Variants in PDXDC1 observed in about 807,000 individuals in gnomAD.
PDXDC1 encodes the protein pyridoxal dependent decarboxylase domain containing 1, also known as pyridoxal-dependent decarboxylase domain-containing protein 1.
A neutral mutation model predicts 100.1 loss-of-function variants in PDXDC1; 42 were observed. The observed-to-expected ratio is 0.42, with a 90% CI of 0.33 to 0.54. PDXDC1 has a LOEUF of 0.54. Ranked by LOEUF, PDXDC1 falls within the 20% of genes least tolerant of loss-of-function variation. The probability of loss-of-function intolerance (pLI) is 0.10; values close to 1 mark genes in which losing one functional copy is unlikely to be tolerated. For synonymous variants in PDXDC1, 260 were observed against 371.7 expected (o/e 0.70, Z 3.46); for missense variants, 636 against 979.2 (o/e 0.65, Z 4.68).
rs2043181128 is a variant in PDXDC1, at chr16:15,033,328, GACA to G, written c.1744_1746del (p.Asn582del). 6.2e-7 allele frequency: 1 copy of G among 1,614,166 alleles called. No individual in the cohort carries two copies. Among genetic ancestry groups the G allele is most frequent in the African/African-American group, 1.3e-5 (1 of 75,050 alleles). ...CTGCCTTTATGTCGGCATGGCGAGC[GACA>G]ACGTCGATGCTGCTGAGCTCGTGGA... On this transcript the variant is annotated inframe_deletion, in exon 19 of 23. Transcript: ENST00000396410.
intron 14 of PDXDC1, among the ~76,000 whole-genome samples, chr16:15,027,507 G>T (rs548183587): frequency 1.9e-3 from 290 of 152,298 alleles, no homozygotes; most frequent in Non-Finnish European, 3.1e-3. Context: ...TCTTGTCTTG[G>T]TGTACCGGAA....
chr16:15,139,759 C>CGACA (rs758950915), downstream of PDXDC1, among the ~76,000 whole-genome samples: 38 of 151,470 alleles, frequency 2.5e-4, 1 homozygote, highest in South Asian at 6.3e-4. Flanking sequence ...CCAGCCTGGG[C>CGACA]GACAGAGCAA....
chr16:15,063,372 C>T, intron 16 of PDXDC1: 1 of 971,844 alleles, frequency 1.0e-6, no homozygotes. Flanking sequence ...AGATCTATTA[C>T]CCAAAACCAA....
chr16:15,109,622 A>G (rs2046949949), intron 16 of PDXDC1, among the ~76,000 whole-genome samples: 1 of 117,984 alleles, frequency 8.5e-6, no homozygotes, highest in South Asian at 3.1e-4. Context: ...ATGCCACTGC[A>G]CTCTAGCCTG....
At chr16:15,061,308 T>A (rs183165661) in intron 16 of PDXDC1, 1 of 163,274 alleles carries the variant, frequency 6.1e-6, no homozygotes, top group East Asian at 1.8e-4. Flanking sequence ...TAAATAGAAG[T>A]TTTATCTTAG....
chr16:15,141,266 C>G (rs2048470800), downstream of PDXDC1, among the ~76,000 whole-genome samples: 2 of 152,226 alleles, frequency 1.3e-5, no homozygotes, highest in African/African-American at 2.4e-5. Context: ...GGCCCGGGGC[C>G]AGGGCAAGGG....
intron 16 of PDXDC1, among the ~76,000 whole-genome samples, chr16:15,065,708 T>TA (rs773371363): frequency 6.6e-6 from 1 of 152,230 alleles, no homozygotes; most frequent in East Asian, 1.9e-4. Context: ...GCAAAACTCT[T>TA]AGATTACGTA....
At chr16:15,053,568 A>G (rs1239519728) in intron 16 of PDXDC1, among the ~76,000 whole-genome samples, 1 of 151,986 alleles carries the variant, frequency 6.6e-6, no homozygotes, top group Admixed American at 6.5e-5. Flanking sequence ...TTTTTTCTGT[A>G]TTATTATATT....
chr16:14,996,448 A>G (rs1161319645), intron 1 of PDXDC1: 7 of 224,160 alleles, frequency 3.1e-5, no homozygotes, highest in Non-Finnish European at 5.2e-5. Context: ...AATATAATAT[A>G]TAATATATAA....
At chr16:15,133,201 T>C in intron 16 of PDXDC1, 1 of 1,111,562 alleles carries the variant, frequency 9.0e-7, no homozygotes, top group South Asian at 1.3e-5. Context: ...CAGGCAGGGG[T>C]ACAGGTCTTG....
At chr16:15,102,045 G>A (rs1335611226) in intron 16 of PDXDC1, among the ~76,000 whole-genome samples, 16 of 152,014 alleles carry the variant, frequency 1.1e-4, no homozygotes, top group South Asian at 2.1e-4. Flanking sequence ...ACAGGGTTTC[G>A]CCATGTTGGT....
intron 1 of PDXDC1, among the ~76,000 whole-genome samples, chr16:14,976,235 G>A (rs1486005791): frequency 3.3e-5 from 5 of 152,274 alleles, no homozygotes; most frequent in African/African-American, 1.2e-4. Context: ...GTGCATACCC[G>A]GTTTTTCATG....
At chr16:14,981,534 T>G (rs1207775034) in intron 1 of PDXDC1, among the ~76,000 whole-genome samples, 1 of 152,292 alleles carries the variant, frequency 6.6e-6, no homozygotes, top group African/African-American at 2.4e-5. Context: ...AGGTAAACAG[T>G]AAAGTTTTTA....
Position 15,133,263 on chromosome 16 carries a change from C to A in PDXDC1, c.1400-5616C>A, listed in dbSNP as rs762557740. 2,587 of 1,571,174 alleles carry A rather than the reference C, an allele frequency of 1.6e-3. 44 individuals carry two copies. Among genetic ancestry groups the A allele is most frequent in the Middle Eastern group, 5.0e-3 (22 of 4,384 alleles). ...GAGGTCCCCTGCCAGGCTGCACTCACCTCGTTCAGGACGGTGACCAGGGCC... is the reference window on the plus strand; with the variant it reads ...GAGGTCCCCTGCCAGGCTGCACTCAACTCGTTCAGGACGGTGACCAGGGCC... On this transcript the variant is annotated intron_variant, in intron 16 of 16. Transcript: ENST00000535621.
At chr16:15,094,283 T>C (rs1345021598) in intron 16 of PDXDC1, 65 of 1,418,626 alleles carry the variant, frequency 4.6e-5, no homozygotes, top group Non-Finnish European at 5.8e-5. Context: ...GCCCAGCTCC[T>C]TCCAGCCACA....
chr16:15,001,017 C>G (rs1171616033), intron 3 of PDXDC1, among the ~76,000 whole-genome samples: 1 of 151,794 alleles, frequency 6.6e-6, no homozygotes, highest in East Asian at 1.9e-4. Context: ...TATTCTCTGT[C>G]TTGTACTCCA....
intron 12 of PDXDC1, among the ~76,000 whole-genome samples, chr16:15,019,637 C>T (rs1186584509): frequency 3.3e-5 from 5 of 152,266 alleles, no homozygotes; most frequent in African/African-American, 1.2e-4. Flanking sequence ...TTGCATGTGG[C>T]CTCACATGGC....
rs530616442 is a variant in PDXDC1 at position 15,125,481 on chromosome 16, C to A, written c.1400-13398C>A. 3.0e-5 allele frequency: 32 copies of A among 1,056,856 alleles called. No homozygotes were observed. In the East Asian group the frequency reaches 6.9e-4, roughly 23 times the overall value. 65.5% of individuals were successfully genotyped at this position (1,056,856 alleles called of 1,614,324 possible). A position where few individuals can be genotyped will look rare whatever the true frequency, so the allele number is the denominator to read the frequency against. On this transcript the variant is annotated intron_variant, in intron 16 of 16. Transcript: ENST00000535621. ...ACAGACACCCAGCAAGGACACGCAG[C>A]CCGCACACCCCCGGTACTCCAGACA... is the stretch of plus-strand genomic sequence containing the variant.
At chr16:15,004,130 C>G (rs1973767136) in intron 4 of PDXDC1, 57 bp from the exon 5 acceptor site, 5 of 1,504,348 alleles carry the variant, frequency 3.3e-6, no homozygotes, top group Non-Finnish European at 4.6e-6. Flanking sequence ...TTCTGTGTCT[C>G]TAAGTTCTAT....
Sources: allele counts gnomAD v4.1 joint callset (sites outside exome capture counted in the v4.1 genomes callset), GRCh38; gene constraint gnomAD v4.1.1; transcripts MANE v1.5; gene names NCBI Gene and HGNC (gene_info 2026-07-23, HGNC 2026-07-21).